Variants in GRM1 observed in about 807,000 individuals in gnomAD.
The protein encoded by GRM1 is glutamate metabotropic receptor 1.
Under a neutral mutation model 90.9 loss-of-function variants are expected in GRM1, and 33 were observed. The ratio of observed to expected loss-of-function variants is 0.36; its 90% CI spans 0.28 to 0.49. The LOEUF (loss-of-function observed/expected upper bound fraction) is 0.49, where lower values mean the gene tolerates loss of function less well. Among genes scored for constraint, GRM1 ranks in the 20% least tolerant of loss-of-function variants. GRM1 has a pLI of 0.99. For synonymous variants in GRM1, 700 were observed against 613.2 expected (o/e 1.14, Z -2.09); for missense variants, 1,190 against 1,534.3 (o/e 0.78, Z 3.75).
chr6:146,380,784 T>C (rs1208202319), intron 5 of GRM1, among the ~76,000 whole-genome samples: 6 of 152,134 alleles, frequency 3.9e-5, no homozygotes, highest in Non-Finnish European at 8.8e-5. Flanking sequence ...ATGTAGTACC[T>C]GTGTATCACT....
At chr6:146,201,783 T>C (rs1049906178) in intron 2 of GRM1, among the ~76,000 whole-genome samples, 1 of 152,218 alleles carries the variant, frequency 6.6e-6, no homozygotes, top group Non-Finnish European at 1.5e-5. Context: ...GGCTAAGGCT[T>C]CAAGAAGTTA....
At chr6:146,176,110 A>G (rs1416830384) in intron 2 of GRM1, among the ~76,000 whole-genome samples, 3 of 152,124 alleles carry the variant, frequency 2.0e-5, no homozygotes, top group African/African-American at 4.8e-5. Flanking sequence ...TTTAGGCTTC[A>G]TAGGTATTCA....
At chr6:146,176,271 G>A (rs1047085502) in intron 2 of GRM1, among the ~76,000 whole-genome samples, 25 of 151,976 alleles carry the variant, frequency 1.6e-4, no homozygotes, top group Non-Finnish European at 1.3e-4. Context: ...TCAAGCAGAG[G>A]TTTTGAAACA....
At chr6:146,185,740 C>T (rs1778709672) in intron 2 of GRM1, among the ~76,000 whole-genome samples, 2 of 152,070 alleles carry the variant, frequency 1.3e-5, no homozygotes, top group African/African-American at 4.8e-5. Context: ...GCAATCCCAC[C>T]CACAGTTCTT....
chr6:146,105,034 GA>G (rs1777181032), intron 1 of GRM1, among the ~76,000 whole-genome samples: 1 of 152,102 alleles, frequency 6.6e-6, no homozygotes, highest in African/African-American at 2.4e-5. Flanking sequence ...ATTTTTTATG[GA>G]TATTTCCCTT....
chr6:146,214,040 A>G (rs1324344243), intron 2 of GRM1, among the ~76,000 whole-genome samples: 1 of 152,126 alleles, frequency 6.6e-6, no homozygotes, highest in African/African-American at 2.4e-5. Context: ...AGAGAGTCCA[A>G]TTCACCCTTT....
chr6:146,431,694 T>C (rs570060665), intron 7 of GRM1, among the ~76,000 whole-genome samples: 22 of 152,310 alleles, frequency 1.4e-4, no homozygotes, highest in Middle Eastern at 3.4e-3. Context: ...CATTTCCTAA[T>C]GCCTATGAAG....
intron 7 of GRM1, among the ~76,000 whole-genome samples, chr6:146,411,474 G>T (rs906579096): frequency 6.6e-6 from 1 of 152,188 alleles, no homozygotes; most frequent in African/African-American, 2.4e-5. Flanking sequence ...AGCCTTATGA[G>T]CTTGGACCTT....
intron 1 of GRM1, among the ~76,000 whole-genome samples, chr6:146,073,566 G>T (rs1375135642): frequency 6.6e-6 from 1 of 152,096 alleles, no homozygotes; most frequent in African/African-American, 2.4e-5. Flanking sequence ...AAACTTTTAA[G>T]TATAATGAAA....
At chr6:146,294,556 A>G (rs1562588367) in intron 2 of GRM1, among the ~76,000 whole-genome samples, 1 of 152,146 alleles carries the variant, frequency 6.6e-6, no homozygotes, top group Admixed American at 6.5e-5. Context: ...GAGACCTTAT[A>G]CATGTTCATT....
intron 7 of GRM1, among the ~76,000 whole-genome samples, chr6:146,421,385 A>T (rs1442028688): frequency 6.6e-6 from 1 of 152,172 alleles, no homozygotes; most frequent in Non-Finnish European, 1.5e-5. Context: ...CCGTGCAAAA[A>T]GGGAAATTGT....
chr6:146,197,207 T>C (rs1779152426), intron 2 of GRM1, among the ~76,000 whole-genome samples: 1 of 152,132 alleles, frequency 6.6e-6, no homozygotes, highest in South Asian at 2.1e-4. Context: ...CAGCAAACAA[T>C]GAGTAGCAAC....
intron 7 of GRM1, among the ~76,000 whole-genome samples, chr6:146,416,043 C>G (rs1425011396): frequency 1.3e-5 from 2 of 152,048 alleles, no homozygotes; most frequent in Non-Finnish European, 2.9e-5. Context: ...CATGATATAC[C>G]ATTTTCCATC....
intron 3 of GRM1, among the ~76,000 whole-genome samples, chr6:146,324,243 C>T (rs1784317365): frequency 6.6e-6 from 1 of 152,034 alleles, no homozygotes; most frequent in African/African-American, 2.4e-5. Context: ...ACCCCTCCAC[C>T]CACCAAGGTC....
At chr6:146,077,676 C>T (rs1440408598) in intron 1 of GRM1, among the ~76,000 whole-genome samples, 1 of 152,164 alleles carries the variant, frequency 6.6e-6, no homozygotes, top group African/African-American at 2.4e-5. Context: ...GAAAATCTTA[C>T]TTAGTGTTTA....
intron 1 of GRM1, among the ~76,000 whole-genome samples, chr6:146,067,164 T>G (rs909157127): frequency 3.7e-4 from 57 of 152,206 alleles, no homozygotes; most frequent in African/African-American, 1.3e-3. Flanking sequence ...GAGAACAATT[T>G]GATTGATTAA....
chr6:146,258,002 A>T (rs1180004197), intron 2 of GRM1, among the ~76,000 whole-genome samples: 3 of 149,868 alleles, frequency 2.0e-5, no homozygotes, highest in East Asian at 1.9e-4. Context: ...AAAAAAAAAT[A>T]GTTTTTTTCT....
intron 2 of GRM1, among the ~76,000 whole-genome samples, chr6:146,296,341 A>G (rs1024657932): frequency 6.6e-6 from 1 of 152,188 alleles, no homozygotes; most frequent in African/African-American, 2.4e-5. Context: ...TGATGTTGTG[A>G]TACATGCATA....
At chr6:146,249,638 A>G (rs769807893) in intron 2 of GRM1, among the ~76,000 whole-genome samples, 11 of 152,214 alleles carry the variant, frequency 7.2e-5, no homozygotes, top group Middle Eastern at 3.4e-3. Flanking sequence ...CCTCATGGAG[A>G]ACCTCTACTA....
Sources: gnomAD v4.1 joint callset for allele counts (sites outside exome capture counted in the v4.1 genomes callset) on GRCh38, gnomAD v4.1.1 for gene constraint, MANE v1.5 for transcripts, NCBI Gene and HGNC (gene_info 2026-07-23, HGNC 2026-07-21) for gene names.